The following RAI2 variants were observed in gnomAD, a reference collection of about 807,000 sequenced individuals.
RAI2 encodes the protein retinoic acid-induced protein 2.
RAI2 carries 5 observed loss-of-function variants against 15.3 expected under a neutral mutation model. The ratio of observed to expected loss-of-function variants is 0.33; its 90% CI spans 0.17 to 0.69. The LOEUF is 0.69. Among genes scored for constraint, RAI2 ranks in the 30% least tolerant of loss-of-function variants. The pLI is 0.69. For missense variants in RAI2, 424 were observed against 424.7 expected, an observed-to-expected ratio of 1.00 and a Z score of 0.01; for synonymous variants, 191 against 184.0, an observed-to-expected ratio of 1.04 and a Z score of -0.31.
intron 1 of RAI2, among the ~76,000 whole-genome samples, chrX:17,831,731 G>A (rs2067284289): frequency 8.9e-6 from 1 of 112,512 alleles, no homozygotes; most frequent in African/African-American, 3.2e-5. Context: ...ATGTGGCTAC[G>A]TGTTGGGAAT....
chrX:17,853,724 A>G (rs958606091), intron 1 of RAI2, among the ~76,000 whole-genome samples: 1 of 111,603 alleles, frequency 9.0e-6, no homozygotes, highest in Non-Finnish European at 1.9e-5. Context: ...AGGCAGGTTT[A>G]CATATATGTT....
chrX:17,837,942 A>T (rs1410402410), intron 1 of RAI2, among the ~76,000 whole-genome samples: 1 of 112,441 alleles, frequency 8.9e-6, no homozygotes, highest in African/African-American at 3.2e-5. Flanking sequence ...CGTCAGCAGG[A>T]GAATGGATAA....
intron 1 of RAI2, among the ~76,000 whole-genome samples, chrX:17,805,054 C>T (rs114449736): frequency 8.9e-6 from 1 of 112,720 alleles, no homozygotes; most frequent in African/African-American, 3.2e-5. Flanking sequence ...AGGGGTCTTA[C>T]AATTATGCCC....
In RAI2 at chrX:17,800,248, TA is replaced by T; in HGVS notation, c.*169del. On this transcript the variant is annotated 3_prime_UTR_variant, in exon 2 of 2. Coordinates refer to ENST00000451717, the MANE Select transcript of RAI2 (RefSeq NM_021785.6). ...TACTCATTTGTGAAAAGTCAAAAAT[TA>T]AAAAAGAAAATGATACTAGCATACA... 1.6e-6 allele frequency: 1 copy of T among 638,850 alleles called. No individual in the cohort carries two copies. The highest frequency in any genetic ancestry group is 2.2e-6 in the Non-Finnish European group (1 of 456,035). The allele number at this position is 638,850 out of a possible 1,213,427, so 52.6% of individuals were successfully genotyped here. A position where few individuals can be genotyped will look rare whatever the true frequency, so the allele number is the denominator to read the frequency against.
chrX:17,803,264 G>A (rs995266795), intron 1 of RAI2, among the ~76,000 whole-genome samples: 3 of 111,548 alleles, frequency 2.7e-5, no homozygotes, highest in African/African-American at 9.8e-5. Context: ...AGTGGCTCAT[G>A]CCTGTAATCT....
At chrX:17,805,891 G>T (rs2066973843) in intron 1 of RAI2, among the ~76,000 whole-genome samples, 1 of 111,659 alleles carries the variant, frequency 9.0e-6, no homozygotes. Flanking sequence ...AAAGGAACAT[G>T]AACTTGGCCT....
intron 1 of RAI2, among the ~76,000 whole-genome samples, chrX:17,849,600 A>C (rs1283009953): frequency 8.9e-6 from 1 of 112,754 alleles, no homozygotes; most frequent in Non-Finnish European, 1.9e-5. Flanking sequence ...AGGTAATATA[A>C]TTGCTTTTAT....
intron 1 of RAI2, among the ~76,000 whole-genome samples, chrX:17,856,136 G>C (rs774269830): frequency 8.9e-6 from 1 of 112,395 alleles, no homozygotes; most frequent in East Asian, 2.8e-4. Context: ...GAATTACTGA[G>C]TTGTTGGAGC....
intron 1 of RAI2, among the ~76,000 whole-genome samples, chrX:17,822,649 C>T (rs1467053083): frequency 1.8e-5 from 2 of 112,334 alleles, no homozygotes; most frequent in Non-Finnish European, 3.8e-5. Flanking sequence ...TAGGTACTTT[C>T]AAAGACAGAT....
intron 1 of RAI2, among the ~76,000 whole-genome samples, chrX:17,841,406 T>C (rs1198315478): frequency 8.9e-6 from 1 of 112,088 alleles, no homozygotes; most frequent in Admixed American, 9.5e-5. Context: ...AATCCATGGA[T>C]TAATCATGGC....
chrX:17,825,760 A>G (rs909809826), intron 1 of RAI2, among the ~76,000 whole-genome samples: 10 of 112,803 alleles, frequency 8.9e-5, no homozygotes, highest in African/African-American at 3.2e-4. Flanking sequence ...AAACCAAGTA[A>G]TTCCCTGAAA....
At chrX:17,852,198 T>C (rs2067544350) in intron 1 of RAI2, among the ~76,000 whole-genome samples, 1 of 112,187 alleles carries the variant, frequency 8.9e-6, no homozygotes, top group African/African-American at 3.2e-5. Flanking sequence ...TGTGGATCCC[T>C]ACCAGCTTGT....
intron 1 of RAI2, among the ~76,000 whole-genome samples, chrX:17,841,693 C>T (rs2067399855): frequency 8.9e-6 from 1 of 112,005 alleles, no homozygotes; most frequent in African/African-American, 3.3e-5. Context: ...TTGAGGATAC[C>T]AAGATGCAAG....
intron 1 of RAI2, among the ~76,000 whole-genome samples, chrX:17,814,214 G>C (rs1007913032): frequency 1.9e-5 from 2 of 107,513 alleles, no homozygotes; most frequent in African/African-American, 6.8e-5. Flanking sequence ...CATCTCAACC[G>C]AGAGGCTAGG....
chrX:17,844,035 G>A (rs1338742688), intron 1 of RAI2, among the ~76,000 whole-genome samples: 1 of 112,093 alleles, frequency 8.9e-6, no homozygotes, highest in Non-Finnish European at 1.9e-5. Flanking sequence ...ACAGCTTGGC[G>A]AGTATTCAAT....
intron 1 of RAI2, among the ~76,000 whole-genome samples, chrX:17,844,265 G>T (rs976574445): frequency 8.0e-5 from 9 of 112,767 alleles, no homozygotes; most frequent in Non-Finnish European, 1.1e-4. Context: ...GGAGAAAAAT[G>T]TCCTCGTTGG....
chrX:17,850,264 G>A (rs1378226463), intron 1 of RAI2, among the ~76,000 whole-genome samples: 1 of 112,267 alleles, frequency 8.9e-6, no homozygotes, highest in African/African-American at 3.2e-5. Context: ...GCAGCTGGGG[G>A]AGCAATGCAA....
chrX:17,844,840 G>C (rs2067438434), intron 1 of RAI2, among the ~76,000 whole-genome samples: 1 of 112,197 alleles, frequency 8.9e-6, no homozygotes, highest in African/African-American at 3.2e-5. Flanking sequence ...TCGGTGTGCT[G>C]TTTGTGAAAA....
intron 1 of RAI2, among the ~76,000 whole-genome samples, chrX:17,824,229 A>T (rs886519846): frequency 8.9e-6 from 1 of 112,435 alleles, no homozygotes; most frequent in Middle Eastern, 4.2e-3. Context: ...TACTTTTTGG[A>T]ATCACCTCAA....
Sources: gnomAD v4.1 joint callset for allele counts (sites outside exome capture counted in the v4.1 genomes callset) on GRCh38, gnomAD v4.1.1 for gene constraint, MANE v1.5 for transcripts, NCBI Gene and HGNC (gene_info 2026-07-23, HGNC 2026-07-21) for gene names.